Variants in TBC1D15 observed in about 807,000 individuals in gnomAD.
TBC1D15 encodes the protein TBC1 domain family member 15.
Under a neutral mutation model 95.4 loss-of-function variants are expected in TBC1D15, and 39 were observed. The ratio of observed to expected loss-of-function variants is 0.41; its 90% CI spans 0.32 to 0.53. The LOEUF is 0.53. TBC1D15 is among the 20% of genes least tolerant of loss of function. The pLI is 0.29. For missense variants in TBC1D15, 733 were observed against 794.3 expected, an observed-to-expected ratio of 0.92 and a Z score of 0.93; for synonymous variants, 258 against 261.3, an observed-to-expected ratio of 0.99 and a Z score of 0.12.
At chr12:71,857,599 G>A (rs892337582) in intron 1 of TBC1D15, among the ~76,000 whole-genome samples, 1 of 152,028 alleles carries the variant, frequency 6.6e-6, no homozygotes, top group Non-Finnish European at 1.5e-5. Context: ...CATAATAATT[G>A]TACATATTTA....
chr12:71,843,966 A>G (rs368100483), intron 1 of TBC1D15, among the ~76,000 whole-genome samples: 3 of 152,068 alleles, frequency 2.0e-5, no homozygotes, highest in African/African-American at 7.2e-5. Flanking sequence ...TCATTAACAC[A>G]TCCCAAATAA....
At chr12:71,852,798 T>G (rs1022117101) in intron 1 of TBC1D15, among the ~76,000 whole-genome samples, 1 of 152,178 alleles carries the variant, frequency 6.6e-6, no homozygotes, top group African/African-American at 2.4e-5. Flanking sequence ...TGAGACCTCC[T>G]CAGCCTGGCC....
At chr12:71,871,113 A>G (rs559543322) in intron 1 of TBC1D15, among the ~76,000 whole-genome samples, 32 of 152,178 alleles carry the variant, frequency 2.1e-4, no homozygotes, top group Non-Finnish European at 4.4e-4. Flanking sequence ...TGGAATCTCA[A>G]TTTATAACAT....
chr12:71,858,867 G>GT (rs1027269820), intron 1 of TBC1D15, among the ~76,000 whole-genome samples: 4 of 151,704 alleles, frequency 2.6e-5, no homozygotes, highest in African/African-American at 9.7e-5. Flanking sequence ...ACTGTTTTTA[G>GT]TTTTTTGAGG....
intron 3 of TBC1D15, among the ~76,000 whole-genome samples, chr12:71,878,554 C>G (rs1419754609): frequency 6.7e-6 from 1 of 149,592 alleles, no homozygotes; most frequent in Non-Finnish European, 1.5e-5. Flanking sequence ...CTCTCTCTTT[C>G]ATCCAGGCTG....
At chr12:71,909,604 T>C (rs2138941550) in intron 11 of TBC1D15, among the ~76,000 whole-genome samples, 1 of 152,350 alleles carries the variant, frequency 6.6e-6, no homozygotes, top group South Asian at 2.1e-4. Flanking sequence ...TCAAGATTTT[T>C]GTTTTTTAAT....
intron 1 of TBC1D15, chr12:71,850,349 A>C (rs1592691566): frequency 4.7e-5 from 17 of 358,552 alleles, no homozygotes; most frequent in Non-Finnish European, 5.4e-6. Flanking sequence ...AGTGCATTTC[A>C]CCTGCCATGT....
intron 6 of TBC1D15, chr12:71,894,207 A>G: frequency 2.5e-6 from 2 of 794,348 alleles, no homozygotes; most frequent in Non-Finnish European, 4.1e-6. Context: ...CTATTCATAT[A>G]ATTAGATTAA....
chr12:71,849,040 G>A (rs972811938), intron 1 of TBC1D15, among the ~76,000 whole-genome samples: 2 of 151,808 alleles, frequency 1.3e-5, no homozygotes, highest in Admixed American at 6.6e-5. Context: ...TCAGAATTCT[G>A]GAAATGCAAT....
intron 1 of TBC1D15, among the ~76,000 whole-genome samples, chr12:71,844,427 A>G (rs915978390): frequency 2.0e-5 from 3 of 152,224 alleles, no homozygotes; most frequent in African/African-American, 7.2e-5. Flanking sequence ...TATAAAATAT[A>G]TCCTCTGCTA....
At chr12:71,901,089 G>A (rs1899277939) in intron 10 of TBC1D15, among the ~76,000 whole-genome samples, 1 of 152,122 alleles carries the variant, frequency 6.6e-6, no homozygotes, top group South Asian at 2.1e-4. Flanking sequence ...GGAGTGCAGT[G>A]GCACAATCAT....
chr12:71,851,422 T>G (rs377426004), intron 1 of TBC1D15, among the ~76,000 whole-genome samples: 2 of 152,146 alleles, frequency 1.3e-5, no homozygotes, highest in African/African-American at 4.8e-5. Flanking sequence ...CTCCATTTCC[T>G]TATCACATTT....
intron 6 of TBC1D15, among the ~76,000 whole-genome samples, chr12:71,893,900 G>C (rs937746254): frequency 2.0e-5 from 3 of 151,794 alleles, no homozygotes; most frequent in Non-Finnish European, 2.9e-5. Context: ...GTGAGTGCTT[G>C]CTGTGTCCCA....
intron 5 of TBC1D15, among the ~76,000 whole-genome samples, chr12:71,887,498 G>A (rs1281490623): frequency 6.6e-6 from 1 of 152,130 alleles, no homozygotes; most frequent in Non-Finnish European, 1.5e-5. Flanking sequence ...TCATGCCATT[G>A]TCTTTTCCAT....
chr12:71,865,284 C>T (rs1891248419), intron 1 of TBC1D15, among the ~76,000 whole-genome samples: 1 of 152,132 alleles, frequency 6.6e-6, no homozygotes, highest in Non-Finnish European at 1.5e-5. Flanking sequence ...CAGCTTGGGC[C>T]CAGGGGGCTG....
At chr12:71,861,648 C>T (rs1890394300) in intron 1 of TBC1D15, among the ~76,000 whole-genome samples, 1 of 151,750 alleles carries the variant, frequency 6.6e-6, no homozygotes, top group African/African-American at 2.4e-5. Flanking sequence ...ACTAATAAGT[C>T]AACTTTGTTC....
chr12:71,898,631 T>G (rs1898690809), intron 10 of TBC1D15, among the ~76,000 whole-genome samples: 1 of 152,164 alleles, frequency 6.6e-6, no homozygotes, highest in South Asian at 2.1e-4. Flanking sequence ...AATGTTCTTA[T>G]TACACTGTCT....
chr12:71,866,144 G>A (rs958985959), intron 1 of TBC1D15, among the ~76,000 whole-genome samples: 2 of 152,074 alleles, frequency 1.3e-5, no homozygotes, highest in Non-Finnish European at 2.9e-5. Context: ...CTGGCTTGGG[G>A]ATGGGCCAGT....
intron 10 of TBC1D15, among the ~76,000 whole-genome samples, chr12:71,902,171 T>G (rs968597872): frequency 1.3e-5 from 2 of 152,178 alleles, no homozygotes; most frequent in Non-Finnish European, 1.5e-5. Context: ...CCAAAGCTAT[T>G]TATAGATTCA....
Sources: allele counts gnomAD v4.1 joint callset (sites outside exome capture counted in the v4.1 genomes callset), GRCh38; gene constraint gnomAD v4.1.1; transcripts MANE v1.5; gene names NCBI Gene and HGNC (gene_info 2026-07-23, HGNC 2026-07-21).